The following DYNLT2B variants were observed in gnomAD, a reference collection of about 807,000 sequenced individuals.
The protein encoded by DYNLT2B is dynein light chain Tctex-type 2B.
In DYNLT2B, 14 loss-of-function variants were observed where a neutral mutation model predicts 19.5. The observed-to-expected ratio is 0.72, with a 90% confidence interval of 0.47 to 1.12. The LOEUF is 1.12. Among genes scored for constraint, DYNLT2B ranks in the 50% most tolerant of loss-of-function variants. The pLI, the probability that DYNLT2B is intolerant of heterozygous loss-of-function variation, is 0.00. For missense variants in DYNLT2B, 133 were observed against 174.7 expected (o/e 0.76, Z 1.35); for synonymous variants, 70 against 59.7 (o/e 1.17, Z -0.79).
chr3:196,312,196 T>G (rs1347739338), intron 2 of DYNLT2B, among the ~76,000 whole-genome samples: 2 of 152,076 alleles, frequency 1.3e-5, no homozygotes. Context: ...TTTTGTATTT[T>G]TACTAGAGAC....
chr3:196,315,985 G>A lies in DYNLT2B; in HGVS notation c.247+113C>T. On this transcript the variant is annotated intron_variant, in intron 2 of 4. Coordinates refer to ENST00000325318, the MANE Select transcript of DYNLT2B (RefSeq NM_152773.5). ...ATGCTAAAGTGTTGGGATTGTAGGC[G>A]TGAGCCACCACACCTGGCCCCAATG... The A allele has an allele frequency of 9.2e-6, 11 of 1,199,396 alleles. 1 individual carries two copies. Among genetic ancestry groups the A allele is most frequent in the Admixed American group, 4.6e-5 (2 of 43,202 alleles). The allele number at this position is 1,199,396 out of a possible 1,614,324, so 74.3% of individuals were successfully genotyped here. A position where few individuals can be genotyped will look rare whatever the true frequency, so the allele number is the denominator to read the frequency against.
At chr3:196,306,803 A>C (rs1726500732) in intron 3 of DYNLT2B, 140 bp downstream of exon 3, 4 of 670,858 alleles carry the variant, frequency 6.0e-6, no homozygotes, top group African/African-American at 1.9e-5. Context: ...AGCCTCCCAA[A>C]GTGCTGAGAT....
chr3:196,315,174 A>G (rs1726746426), intron 2 of DYNLT2B: 1 of 420,848 alleles, frequency 2.4e-6, no homozygotes, highest in Non-Finnish European at 4.6e-6. Context: ...TAGAGAAGAC[A>G]AGACACTGAA....
At chr3:196,293,886 G>A (rs1267913051) in intron 4 of DYNLT2B, among the ~76,000 whole-genome samples, 21 of 149,926 alleles carry the variant, frequency 1.4e-4, no homozygotes, top group African/African-American at 4.4e-4. Flanking sequence ...CTCATGATCC[G>A]CCCGCCTCGG....
intron 3 of DYNLT2B, among the ~76,000 whole-genome samples, chr3:196,303,810 C>A: frequency 6.6e-6 from 1 of 152,162 alleles, no homozygotes; most frequent in East Asian, 1.9e-4. Context: ...TTTGATAACA[C>A]TGTATCAATA....
intron 1 of DYNLT2B, 80 bp from the exon 2 acceptor site, chr3:196,316,311 T>G: frequency 6.9e-7 from 1 of 1,450,450 alleles, no homozygotes; most frequent in East Asian, 2.4e-5. Flanking sequence ...TCTCCCATCT[T>G]TTTGTCATTA....
At chr3:196,307,379 G>C (rs529990559) in intron 2 of DYNLT2B, among the ~76,000 whole-genome samples, 1 of 151,798 alleles carries the variant, frequency 6.6e-6, no homozygotes, top group Non-Finnish European at 1.5e-5. Flanking sequence ...TCAGCTCACC[G>C]GCAACCTCTG....
intron 3 of DYNLT2B, among the ~76,000 whole-genome samples, chr3:196,301,128 G>A (rs978027994): frequency 2.0e-5 from 3 of 152,026 alleles, no homozygotes; most frequent in African/African-American, 7.2e-5. Context: ...CAGATGAGTT[G>A]GCACAAGAAA....
intron 2 of DYNLT2B, among the ~76,000 whole-genome samples, chr3:196,307,258 C>T (rs1198005039): frequency 6.6e-6 from 1 of 152,128 alleles, no homozygotes; most frequent in Non-Finnish European, 1.5e-5. Context: ...TCAGTACCTA[C>T]CTCCCAAGAT....
chr3:196,308,101 A>AG (rs1412635081), intron 2 of DYNLT2B, among the ~76,000 whole-genome samples: 2 of 148,670 alleles, frequency 1.3e-5, no homozygotes, highest in Non-Finnish European at 3.0e-5. Flanking sequence ...AAAAAAAAAG[A>AG]AAATAGAAAA....
At chr3:196,307,930 A>G (rs1228255207) in intron 2 of DYNLT2B, among the ~76,000 whole-genome samples, 1 of 151,650 alleles carries the variant, frequency 6.6e-6, no homozygotes, top group Non-Finnish European at 1.5e-5. Flanking sequence ...AAAATATAAA[A>G]ATTAGCCAGG....
chr3:196,298,806 G>C (rs1401995714), intron 3 of DYNLT2B, among the ~76,000 whole-genome samples: 2 of 152,192 alleles, frequency 1.3e-5, no homozygotes, highest in Non-Finnish European at 2.9e-5. Flanking sequence ...TCAGGGCACA[G>C]GGCTAGATGC....
intron 3 of DYNLT2B, 97 bp from the exon 4 acceptor site, chr3:196,296,166 T>C (rs1726218474): frequency 1.9e-6 from 2 of 1,047,666 alleles, no homozygotes; most frequent in Non-Finnish European, 1.5e-6. Context: ...TACATTCTCA[T>C]AGATCTGTAC....
chr3:196,315,447 G>A (rs1160061345), intron 2 of DYNLT2B, among the ~76,000 whole-genome samples: 4 of 151,570 alleles, frequency 2.6e-5, no homozygotes, highest in African/African-American at 9.7e-5. Context: ...ATTTTTAGTA[G>A]AGACAGGGTT....
chr3:196,292,096 C>A (rs915949708), intron 4 of DYNLT2B, among the ~76,000 whole-genome samples: 1 of 152,170 alleles, frequency 6.6e-6, no homozygotes, highest in African/African-American at 2.4e-5. Context: ...ATAATAAGAA[C>A]AACAGGACCT....
At chr3:196,293,949 A>G (rs73086659) in intron 4 of DYNLT2B, among the ~76,000 whole-genome samples, 10 of 151,862 alleles carry the variant, frequency 6.6e-5, no homozygotes, top group South Asian at 2.1e-4. Context: ...GGCAAAAAAA[A>G]CCATCTTCTT....
chr3:196,313,869 G>A (rs1048933286), intron 2 of DYNLT2B, among the ~76,000 whole-genome samples: 7 of 151,600 alleles, frequency 4.6e-5, no homozygotes, highest in South Asian at 2.1e-4. Context: ...AGGCCGAGGC[G>A]GACGGATCAC....
chr3:196,297,967 T>C (rs1303578963), intron 3 of DYNLT2B: 1 of 154,962 alleles, frequency 6.5e-6, no homozygotes, highest in African/African-American at 2.4e-5. Context: ...CACGTCCAAC[T>C]GTTCAGACAG....
rs1029397534 is a variant in DYNLT2B at position 196,318,197 on chromosome 3, C to G, written c.-45G>C. 1 of 1,233,578 alleles carries G rather than the reference C, an allele frequency of 8.1e-7. No individual in the cohort carries two copies. Among genetic ancestry groups the G allele is most frequent in the Non-Finnish European group, 1.1e-6 (1 of 913,600 alleles). The allele number at this position is 1,233,578 out of a possible 1,614,324, so 76.4% of individuals were successfully genotyped here. ...GGCGTAGCTCGCGATGAAGGCCTAG[C>G]GGGTTGCGGTCGCGGCCGGCAGCAG... On this transcript the variant is annotated 5_prime_UTR_variant, in exon 1 of 5. Coordinates refer to ENST00000325318, the MANE Select transcript of DYNLT2B (RefSeq NM_152773.5).
Sources: allele counts gnomAD v4.1 joint callset (sites outside exome capture counted in the v4.1 genomes callset), GRCh38; gene constraint gnomAD v4.1.1; transcripts MANE v1.5; gene names NCBI Gene and HGNC (gene_info 2026-07-23, HGNC 2026-07-21).